Variants in ZNF695 observed in about 807,000 individuals in gnomAD.
ZNF695 encodes zinc finger protein 695.
A neutral mutation model predicts 11.2 loss-of-function variants in ZNF695; 11 were observed. That is an observed-to-expected ratio of 0.98 (90% CI 0.62 to 1.62). The LOEUF (loss-of-function observed/expected upper bound fraction) is 1.62. ZNF695 is among the 40% of genes most tolerant of loss of function. The probability of loss-of-function intolerance (pLI) is 0.00; values close to 1 mark genes in which losing one functional copy is unlikely to be tolerated. For missense variants in ZNF695, 559 were observed against 590.5 expected (o/e 0.95, Z 0.55); for synonymous variants, 190 against 201.4 (o/e 0.94, Z 0.48).
At chr1:246,970,190 G>A (rs377750294) in intron 4 of ZNF695, among the ~76,000 whole-genome samples, 148 of 152,280 alleles carry the variant, frequency 9.7e-4, no homozygotes, top group Middle Eastern at 3.4e-3. Context: ...CTTCTGTTCC[G>A]ACAGTGAAAG....
chr1:247,000,204 TTAACAC>T, intron 1 of ZNF695, 130 bp from the exon 2 acceptor site: 1 of 820,330 alleles, frequency 1.2e-6, no homozygotes, highest in Non-Finnish European at 1.9e-6. Flanking sequence ...AAGATAATTT[TTAACAC>T]AGAAATATAC....
intron 5 of ZNF695, among the ~76,000 whole-genome samples, chr1:246,958,091 C>T (rs1413981107): frequency 6.7e-6 from 1 of 150,116 alleles, no homozygotes; most frequent in Non-Finnish European, 1.5e-5. Context: ...CAGAGTCTTG[C>T]TCTGTCGCCC....
intron 5 of ZNF695, among the ~76,000 whole-genome samples, chr1:246,958,219 C>A (rs1182348961): frequency 6.6e-6 from 1 of 151,790 alleles, no homozygotes; most frequent in Non-Finnish European, 1.5e-5. Context: ...CCACCACGCC[C>A]GGCTAATTTT....
intron 3 of ZNF695, among the ~76,000 whole-genome samples, chr1:246,994,266 C>T (rs559874254): frequency 5.3e-5 from 8 of 151,286 alleles, no homozygotes; most frequent in Admixed American, 2.0e-4. Flanking sequence ...TGTGGCCAGA[C>T]GCAGTGGCTC....
At chr1:246,985,174 C>T, downstream of ZNF695, 5 of 484,144 alleles carry the variant, frequency 1.0e-5, no homozygotes, top group Non-Finnish European at 1.3e-5. Flanking sequence ...TAACATTTAT[C>T]CTTAGAGTAG....
chr1:246,982,170 T>A (rs1304889056), downstream of ZNF695, among the ~76,000 whole-genome samples: 2 of 148,250 alleles, frequency 1.3e-5, no homozygotes, highest in Non-Finnish European at 3.0e-5. Flanking sequence ...CTTGGGAGGC[T>A]GAGGCAGAAA....
intron 5 of ZNF695, chr1:246,945,857 T>G: frequency 1.3e-6 from 2 of 1,549,658 alleles, no homozygotes; most frequent in Non-Finnish European, 1.7e-6. Context: ...AAAAGCAGCT[T>G]AAGGTTCCGA....
intron 5 of ZNF695, chr1:246,967,390 A>T (rs1443865868): frequency 2.2e-6 from 1 of 456,422 alleles, no homozygotes; most frequent in East Asian, 6.9e-5. Context: ...GGGTGGGAGC[A>T]GTAGAGGTGG....
intron 5 of ZNF695, among the ~76,000 whole-genome samples, chr1:246,965,089 C>G (rs1488217906): frequency 3.3e-5 from 5 of 151,914 alleles, no homozygotes; most frequent in Non-Finnish European, 5.9e-5. Flanking sequence ...CAAGACAGGC[C>G]GGGCACGGTG....
chr1:246,998,792 C>A (rs891497751), intron 3 of ZNF695, among the ~76,000 whole-genome samples: 1 of 152,040 alleles, frequency 6.6e-6, no homozygotes, highest in Non-Finnish European at 1.5e-5. Flanking sequence ...ATGGTGAAAC[C>A]CTGTCTCTAC....
At chr1:247,005,749 A>G (rs1669513790) in intron 1 of ZNF695, among the ~76,000 whole-genome samples, 1 of 152,198 alleles carries the variant, frequency 6.6e-6, no homozygotes, top group South Asian at 2.1e-4. Flanking sequence ...CTAGGCATAT[A>G]CAAAAAATCA....
chr1:247,003,505 C>T (rs948738621), intron 1 of ZNF695, among the ~76,000 whole-genome samples: 2 of 152,006 alleles, frequency 1.3e-5, no homozygotes, highest in Non-Finnish European at 1.5e-5. Flanking sequence ...TCATTATCTG[C>T]GTAATGAAAT....
At chr1:246,945,867 A>C in intron 5 of ZNF695, 1 of 1,549,448 alleles carries the variant, frequency 6.5e-7, no homozygotes, top group East Asian at 2.4e-5. Context: ...TAAGGTTCCG[A>C]GTAGCTCCTT....
intron 1 of ZNF695, among the ~76,000 whole-genome samples, chr1:247,004,068 C>T (rs1249763736): frequency 6.6e-6 from 1 of 152,076 alleles, no homozygotes; most frequent in Admixed American, 6.6e-5. Flanking sequence ...AAAAATTAGC[C>T]GGGTGTGGTG....
intron 5 of ZNF695, among the ~76,000 whole-genome samples, chr1:246,966,205 G>C (rs1668285862): frequency 6.6e-6 from 1 of 152,088 alleles, no homozygotes; most frequent in Non-Finnish European, 1.5e-5. Context: ...AAGTCAAAGT[G>C]AGGTCGGGCG....
At chr1:246,961,864 C>A (rs1668171594) in intron 5 of ZNF695, among the ~76,000 whole-genome samples, 1 of 152,174 alleles carries the variant, frequency 6.6e-6, no homozygotes, top group South Asian at 2.1e-4. Context: ...GCAAAGGGCC[C>A]TCTTCATCAC....
rs753196763 is a variant in ZNF695 at position 246,966,761 on chromosome 1, G to A, written c.488+934C>T. 2.0e-5 allele frequency: 9 copies of A among 456,228 alleles called. No individual in the cohort carries two copies. In the East Asian group the frequency reaches 2.8e-4, roughly 14 times the overall value. The allele number at this position is 456,228 out of a possible 1,614,324, so 28.3% of individuals were successfully genotyped here. A position where few individuals can be genotyped will look rare whatever the true frequency, so the allele number is the denominator to read the frequency against. ...GATCACATCACTGCACTCTAGCCTG[G>A]GCAAAGAGCAAGACCCTATTTTTAA... On this transcript the variant is annotated intron_variant, in intron 5 of 5. Coordinates refer to the ZNF695 transcript ENST00000487338.
At chr1:246,970,260 C>T (rs777771905) in intron 4 of ZNF695, among the ~76,000 whole-genome samples, 12 of 152,188 alleles carry the variant, frequency 7.9e-5, no homozygotes, top group Non-Finnish European at 1.8e-4. Flanking sequence ...ACAAAATATA[C>T]GAAACAACTG....
Position 246,987,877 on chromosome 1 carries a change from T to A in ZNF695, c.638A>T (p.Gln213Leu). The A allele has an allele frequency of 1.2e-6, 2 of 1,608,420 alleles. No individual in the cohort carries two copies. The highest frequency in any genetic ancestry group is 1.7e-6 in the Non-Finnish European group (2 of 1,178,460). The change falls in exon 4 of 4, where the codon CAA (glutamine) becomes CTA (leucine). Residue 213 changes from glutamine (Q) to leucine (L), a missense_variant. Transcript: ENST00000339986. ...QRIHIGENPY[Q>L]CKKCGKAFNE... ...AAAGGCTTTGCCACATTTTTTACAT[T>A]GGTACGGGTTCTCTCCAATATGGAT...
Sources: gnomAD v4.1 joint callset for allele counts (sites outside exome capture counted in the v4.1 genomes callset) on GRCh38, gnomAD v4.1.1 for gene constraint, MANE v1.5 for transcripts, NCBI Gene and HGNC (gene_info 2026-07-23, HGNC 2026-07-21) for gene names.